The following HAS3 variants were observed in gnomAD, a reference collection of about 807,000 sequenced individuals.
HAS3 encodes HA synthase 3.
HAS3 carries 27 observed loss-of-function variants against 50.3 expected under a neutral mutation model. The observed-to-expected ratio is 0.54, with a 90% CI of 0.40 to 0.74. HAS3 has a LOEUF of 0.74. Among genes scored for constraint, HAS3 ranks in the 30% least tolerant of loss-of-function variants. The pLI is 0.00. For synonymous variants in HAS3, 339 were observed against 310.9 expected (o/e 1.09, Z -0.95); for missense variants, 517 against 742.8 (o/e 0.70, Z 3.53).
chr16:69,112,851 G>T (rs1485084231), intron 2 of HAS3, among the ~76,000 whole-genome samples: 1 of 152,216 alleles, frequency 6.6e-6, no homozygotes, highest in Non-Finnish European at 1.5e-5. Flanking sequence ...GCAGCCTCCA[G>T]GGGGAGCCCT....
chr16:69,104,477 T>G (rs1180506327), upstream of HAS3, among the ~76,000 whole-genome samples: 2 of 152,012 alleles, frequency 1.3e-5, no homozygotes, highest in South Asian at 2.1e-4. Context: ...TTGTATTTTT[T>G]AGTAGAGATA....
At chr16:69,098,662 A>AT in the HAS3 span, among the ~76,000 whole-genome samples, 5,474 of 97,896 alleles carry the variant, frequency 0.056, 436 homozygotes, top group Non-Finnish European at 0.069. Flanking sequence ...ATCAAACCTG[A>AT]TTTTTTTTTT....
At position 69,116,294 on chromosome 16, in the gene HAS3, C is replaced by T; in HGVS notation, c.*1028C>T. The T allele has an allele frequency of 3.0e-6, 3 of 985,786 alleles. No individual in the cohort carries two copies. The highest frequency in any genetic ancestry group is 3.6e-6 in the Non-Finnish European group (3 of 829,936). 61.1% of individuals were successfully genotyped at this position (985,786 alleles called of 1,614,324 possible). ...TCAAGGTGGCAATTGGGGCGGAGCC[C>T]CGGCTCTTATAGAAGCTTCAGCAGG... On this transcript the variant is annotated 3_prime_UTR_variant, in exon 4 of 4. Transcript: ENST00000569188.
rs537987364 is a variant in HAS3 at position 69,110,486 on chromosome 16, A to G, written c.636+455A>G. 2.6e-5 allele frequency among the ~76,000 whole-genome samples: 4 copies of G among 152,236 alleles called. No homozygotes were observed. The South Asian group carries it at 8.3e-4, about 32-fold the overall frequency. ...CAACGGCTATTTAAAGGCATGATCAATACGCACTATAGCCTCAAACTCCTG... is the reference window on the plus strand; with the variant it reads ...CAACGGCTATTTAAAGGCATGATCAGTACGCACTATAGCCTCAAACTCCTG... On this transcript the variant is annotated intron_variant, in intron 2 of 3. Coordinates refer to ENST00000569188, the MANE Select transcript of HAS3 (RefSeq NM_001199280.2).
the HAS3 span, among the ~76,000 whole-genome samples, chr16:69,087,696 CT>C: frequency 1.1e-3 from 88 of 82,612 alleles, no homozygotes; most frequent in South Asian, 4.3e-3. Context: ...CCGCACCCGG[CT>C]TTTTTTTTTT....
the HAS3 span, chr16:69,083,656 C>A: frequency 6.4e-7 from 1 of 1,557,488 alleles, no homozygotes; most frequent in Non-Finnish European, 8.7e-7. Context: ...CATGGTCCTG[C>A]CGTAGACCTG....
the HAS3 span, among the ~76,000 whole-genome samples, chr16:69,089,857 G>A: frequency 2.0e-5 from 3 of 152,112 alleles, no homozygotes; most frequent in African/African-American, 7.2e-5. Flanking sequence ...TGCCCTCTGC[G>A]GTTCTTTGTA....
the HAS3 span, among the ~76,000 whole-genome samples, chr16:69,086,751 A>G: frequency 6.6e-6 from 1 of 152,106 alleles, no homozygotes; most frequent in Admixed American, 6.6e-5. Flanking sequence ...CTAAAAATAC[A>G]AAATTAGCTG....
At chr16:69,102,373 G>C (rs1002182763), upstream of HAS3, among the ~76,000 whole-genome samples, 1 of 152,214 alleles carries the variant, frequency 6.6e-6, no homozygotes, top group Non-Finnish European at 1.5e-5. Context: ...CCAGTGGTAA[G>C]CAGAGATAAA....
chr16:69,096,937 G>A, the HAS3 span, among the ~76,000 whole-genome samples: 4 of 151,962 alleles, frequency 2.6e-5, no homozygotes, highest in South Asian at 8.3e-4. Context: ...TGGGAAGATC[G>A]CTTGATCCCA....
At chr16:69,085,390 C>T in the HAS3 span, among the ~76,000 whole-genome samples, 2 of 152,060 alleles carry the variant, frequency 1.3e-5, no homozygotes, top group South Asian at 2.1e-4. Flanking sequence ...TATAGATCAC[C>T]TCTTAATTTG....
chr16:69,109,019 C>T lies in HAS3; in HGVS notation c.1-377C>T, dbSNP rs1272086597. 5.3e-5 allele frequency among the ~76,000 whole-genome samples: 8 copies of T among 152,274 alleles called. No individual in the cohort carries two copies. The highest frequency in any genetic ancestry group is 8.8e-5 in the Non-Finnish European group (6 of 68,010). Reference sequence around the variant, plus strand: ...ACCCCCTTGAAGCTTACCTCTTCAGCGCTTTGGGCCAGGTAGAGCCCAGTT... The same window carrying T: ...ACCCCCTTGAAGCTTACCTCTTCAGTGCTTTGGGCCAGGTAGAGCCCAGTT... On this transcript the variant is annotated intron_variant, in intron 1 of 3. Transcript: ENST00000569188. The surrounding 1 kb of genome is among the most constrained non-coding windows in gnomAD (Gnocchi z 5.3).
At chr16:69,088,549 C>T in the HAS3 span, among the ~76,000 whole-genome samples, 3 of 139,036 alleles carry the variant, frequency 2.2e-5, no homozygotes, top group Non-Finnish European at 4.6e-5. Flanking sequence ...AAGAGCAAGA[C>T]TCCATCTCAA....
chr16:69,118,486 G>A (rs763004437), downstream of HAS3: 2 of 1,381,938 alleles, frequency 1.4e-6, no homozygotes, highest in South Asian at 1.2e-5. Flanking sequence ...TGGTGAGCAG[G>A]GGACTACATG....
At chr16:69,096,613 A>ATTTT in the HAS3 span, among the ~76,000 whole-genome samples, 1 of 101,302 alleles carries the variant, frequency 9.9e-6, no homozygotes, top group African/African-American at 4.1e-5. Context: ...CCCAACACCA[A>ATTTT]TTTTTTTTTT....
chr16:69,112,605 A>C (rs1446547704), intron 2 of HAS3, among the ~76,000 whole-genome samples: 2 of 152,232 alleles, frequency 1.3e-5, no homozygotes, highest in Non-Finnish European at 2.9e-5. Flanking sequence ...GTGACCACAG[A>C]GTAAATCAGG....
chr16:69,099,237 C>T, the HAS3 span, among the ~76,000 whole-genome samples: 1 of 150,530 alleles, frequency 6.6e-6, no homozygotes, highest in African/African-American at 2.4e-5. Flanking sequence ...TCCCAAAGTG[C>T]TGGGATTACA....
At chr16:69,099,002 G>A in the HAS3 span, among the ~76,000 whole-genome samples, 6 of 141,734 alleles carry the variant, frequency 4.2e-5, no homozygotes, top group Non-Finnish European at 7.6e-5. Flanking sequence ...ACAGAGTCTC[G>A]CCCTGTCGCC....
chr16:69,085,909 C>T, the HAS3 span, among the ~76,000 whole-genome samples: 6 of 151,874 alleles, frequency 4.0e-5, no homozygotes, highest in Non-Finnish European at 7.4e-5. Context: ...CTCTGTTGCC[C>T]AAGCTGGTAT....
Sources: gnomAD v4.1 joint callset for allele counts (sites outside exome capture counted in the v4.1 genomes callset) on GRCh38, gnomAD v4.1.1 for gene constraint, Gnocchi (gnomAD v3.1) non-coding constraint, MANE v1.5 for transcripts, NCBI Gene and HGNC (gene_info 2026-07-23, HGNC 2026-07-21) for gene names.